WDR11: variants seen among roughly 807,000 people sequenced by gnomAD.
The protein encoded by WDR11 is WD repeat-containing protein 11.
Under a neutral mutation model 151.2 loss-of-function variants are expected in WDR11, and 83 were observed. That is an observed-to-expected ratio of 0.55 (90% CI 0.46 to 0.66). The LOEUF (loss-of-function observed/expected upper bound fraction) is 0.66, where lower values mean the gene tolerates loss of function less well. WDR11 is among the 30% of genes least tolerant of loss of function. The pLI, the probability that WDR11 is intolerant of heterozygous loss-of-function variation, is 0.00. For missense variants in WDR11, 1,301 were observed against 1,480.9 expected, an observed-to-expected ratio of 0.88 and a Z score of 1.99; for synonymous variants, 484 against 533.1, an observed-to-expected ratio of 0.91 and a Z score of 1.27.
intron 19 of WDR11, among the ~76,000 whole-genome samples, chr10:120,898,102 A>C (rs1422054086): frequency 6.6e-6 from 1 of 152,192 alleles, no homozygotes; most frequent in Non-Finnish European, 1.5e-5. Context: ...AAGAGATGAA[A>C]TTGATTTTAA....
chr10:120,899,780 C>G (rs188530422), intron 19 of WDR11: 1 of 496,106 alleles, frequency 2.0e-6, no homozygotes, highest in South Asian at 2.3e-5. Context: ...GAGGCTTTGT[C>G]TCAAAAAAAA....
chr10:120,860,104 T>G lies in WDR11; in HGVS notation c.353-5T>G. ...ATTTTGCCTTTCTTTATCGGGTCTTTCCAGATGTTCAGTGGTTGTGGAATC... is the reference window on the plus strand; with the variant it reads ...ATTTTGCCTTTCTTTATCGGGTCTTGCCAGATGTTCAGTGGTTGTGGAATC... On this transcript the variant is annotated splice_polypyrimidine_tract_variant and splice_region_variant and intron_variant, in intron 3 of 28. Coordinates refer to ENST00000263461, the MANE Select transcript of WDR11 (RefSeq NM_018117.12). 1 of 1,614,136 alleles carries G rather than the reference T, an allele frequency of 6.2e-7. No individual in the cohort carries two copies.
chr10:120,887,888 T>A (rs113780181), intron 16 of WDR11, among the ~76,000 whole-genome samples: 130 of 152,348 alleles, frequency 8.5e-4, no homozygotes, highest in African/African-American at 3.1e-3. Context: ...AAAGTAGATA[T>A]CTTAAAATGT....
At chr10:120,902,378 C>CT in intron 22 of WDR11, 56 bp downstream of exon 22, 2 of 1,490,142 alleles carry the variant, frequency 1.3e-6, no homozygotes, top group Non-Finnish European at 1.9e-6. Context: ...TAACTCATTT[C>CT]TTTTAAGGGT....
At chr10:120,856,552 GCA>G (rs1845952565) in intron 2 of WDR11, among the ~76,000 whole-genome samples, 1 of 121,130 alleles carries the variant, frequency 8.3e-6, no homozygotes, top group African/African-American at 3.3e-5. Context: ...TCCAGCCTCG[GCA>G]ACAGAATAAG....
chr10:120,906,470 T>C (rs1848050490), intron 27 of WDR11: 2 of 1,276,318 alleles, frequency 1.6e-6, no homozygotes, highest in Admixed American at 3.4e-5. Flanking sequence ...TACGGAAATA[T>C]GACAAAAGAT....
chr10:120,871,298 C>T lies in WDR11; in HGVS notation c.1423C>T (p.Pro475Ser), dbSNP rs1382486129. The T allele has an allele frequency of 6.2e-7, 1 of 1,613,990 alleles. No homozygotes were observed. The highest frequency in any genetic ancestry group is 2.2e-5 in the East Asian group (1 of 44,874). The change falls in exon 10 of 29, where the codon CCG (proline) becomes TCG (serine). Residue 475 changes from proline (P) to serine (S), a missense_variant. Physicochemically the swap from Pro to Ser is moderately conservative, Grantham distance 74. Coordinates refer to ENST00000263461, the MANE Select transcript of WDR11 (RefSeq NM_018117.12). ...APQFAIRMCP[P>S]LTTKNIKMYQ... ...ACAGTTTGCTATTCGTATGTGTCCA[C>T]CGTTGACCACAAAAAACATCAAGAT...
chr10:120,878,198 A>G (rs1481082577), intron 11 of WDR11, among the ~76,000 whole-genome samples, 155 bp from the exon 12 acceptor site: 1 of 152,216 alleles, frequency 6.6e-6, no homozygotes, highest in Non-Finnish European at 1.5e-5. Flanking sequence ...ATACAGTCTC[A>G]AATAAAAGGT....
Position 120,908,871 on chromosome 10 carries a change from C to A in WDR11, c.*158C>A. 1 of 765,816 alleles carries A rather than the reference C, an allele frequency of 1.3e-6. No individual in the cohort carries two copies. Among genetic ancestry groups the A allele is most frequent in the Non-Finnish European group, 2.2e-6 (1 of 450,008 alleles). The allele number at this position is 765,816 out of a possible 1,614,324, so 47.4% of individuals were successfully genotyped here. On this transcript the variant is annotated 3_prime_UTR_variant, in exon 29 of 29. Coordinates refer to ENST00000263461, the MANE Select transcript of WDR11 (RefSeq NM_018117.12). The stretch of plus-strand genomic sequence containing the variant: ...CTATGTGTGCCCAAAAGCACATAAG[C>A]ATCTATGTTGAGAGTAAGTTTGTAT...
At position 120,894,941 on chromosome 10, in the gene WDR11, G is replaced by A. The variant is rs2133800263; in HGVS notation, c.2515+4054G>A. Among the ~76,000 whole-genome samples the A allele has an allele frequency of 2.0e-5, 3 of 152,148 alleles. No individual in the cohort carries two copies. The South Asian group carries it at 6.2e-4, about 32-fold the overall frequency. ...ATTTGAGGGAGGGAAGTAGTTAAGGGTCACTTTCAGTTTGTTCATGCTCAT... is the reference window on the plus strand; with the variant it reads ...ATTTGAGGGAGGGAAGTAGTTAAGGATCACTTTCAGTTTGTTCATGCTCAT... On this transcript the variant is annotated intron_variant, in intron 19 of 28. Transcript: ENST00000263461.
intron 28 of WDR11, chr10:120,907,860 T>G (rs1848123915): frequency 6.6e-6 from 1 of 150,550 alleles, no homozygotes; most frequent in Admixed American, 6.7e-5. Flanking sequence ...CCCAGGCTGG[T>G]CTTGAACTCC....
rs1349310776 is a variant in WDR11, at chr10:120,897,810, T to C, written c.2516-2219T>C. Among the ~76,000 whole-genome samples the C allele has an allele frequency of 2.0e-5, 3 of 152,292 alleles. No homozygotes were observed. The East Asian group carries it at 5.8e-4, about 29-fold the overall frequency. ...TAAAAATAATACAGCTGCCAGGACA[T>C]TTGGGGAATAACAAGGGACTTTTGA... On this transcript the variant is annotated intron_variant, in intron 19 of 28. Transcript: ENST00000263461.
intron 7 of WDR11, 50 bp downstream of exon 7, chr10:120,865,794 A>G (rs146569776): frequency 1.5e-6 from 2 of 1,303,522 alleles, no homozygotes; most frequent in East Asian, 2.4e-5. Context: ...AAATTATTTT[A>G]TAAAGCTTGA....
At chr10:120,868,724 A>C (rs886877754) in intron 9 of WDR11, 2 of 152,182 alleles carry the variant, frequency 1.3e-5, no homozygotes, top group African/African-American at 4.8e-5. Flanking sequence ...GCTCCTTAGC[A>C]ATGGCCTCCA....
At chr10:120,875,932 C>T (rs1458864015) in intron 11 of WDR11, among the ~76,000 whole-genome samples, 2 of 151,276 alleles carry the variant, frequency 1.3e-5, no homozygotes, top group African/African-American at 2.4e-5. Flanking sequence ...ACACATTATC[C>T]TGAGTACATG....
chr10:120,868,570 G>A (rs992109656), intron 9 of WDR11: 3 of 152,192 alleles, frequency 2.0e-5, no homozygotes, highest in African/African-American at 7.2e-5. Context: ...CCTTGGTACA[G>A]CTTTGCAATG....
In WDR11 at chr10:120,871,166, T is replaced by C. The variant is rs1197541771; in HGVS notation, c.1295-4T>C. 9.3e-6 allele frequency: 15 copies of C among 1,614,060 alleles called. No individual in the cohort carries two copies. The highest frequency in any genetic ancestry group is 1.2e-5 in the Non-Finnish European group (14 of 1,180,018). On this transcript the variant is annotated splice_region_variant and splice_polypyrimidine_tract_variant and intron_variant, in intron 9 of 28. Coordinates refer to ENST00000263461, the MANE Select transcript of WDR11 (RefSeq NM_018117.12). The stretch of plus-strand genomic sequence containing the variant: ...ATATATTTGTTATTTTTATTACAAA[T>C]CAGGGCAAAGTGCAATTGCTGGGGA...
At chr10:120,875,403 C>G (rs1846729464) in intron 11 of WDR11, among the ~76,000 whole-genome samples, 1 of 152,226 alleles carries the variant, frequency 6.6e-6, no homozygotes, top group Admixed American at 6.5e-5. Context: ...AAAATGCCTA[C>G]CTGTGCTGTC....
intron 9 of WDR11, 82 bp downstream of exon 9, chr10:120,867,251 T>A: frequency 9.6e-7 from 1 of 1,039,004 alleles, no homozygotes; most frequent in Non-Finnish European, 1.5e-6. Context: ...TTGTAATTAT[T>A]TTAAAGTCAA....
Sources: allele counts gnomAD v4.1 joint callset (sites outside exome capture counted in the v4.1 genomes callset), GRCh38; gene constraint gnomAD v4.1.1; transcripts MANE v1.5; gene names NCBI Gene and HGNC (gene_info 2026-07-23, HGNC 2026-07-21).